The following STK24 variants were observed in gnomAD, a reference collection of about 807,000 sequenced individuals.
STK24 encodes the protein serine/threonine kinase 24.
A neutral mutation model predicts 55.6 loss-of-function variants in STK24; 21 were observed. The ratio of observed to expected loss-of-function variants is 0.38; its 90% CI spans 0.27 to 0.54. The LOEUF (loss-of-function observed/expected upper bound fraction) is 0.54, where lower values mean the gene tolerates loss of function less well. Ranked by LOEUF, STK24 falls within the 20% of genes least tolerant of loss-of-function variation. STK24 has a pLI of 0.79. For missense variants in STK24, 383 were observed against 538.4 expected (o/e 0.71, Z 2.86); for synonymous variants, 200 against 215.2 (o/e 0.93, Z 0.62).
chr13:98,525,442 G>A (rs527479824), intron 1 of STK24, among the ~76,000 whole-genome samples: 20 of 152,280 alleles, frequency 1.3e-4, no homozygotes, highest in South Asian at 8.3e-4. Flanking sequence ...GACAACCCCC[G>A]CTCCCCAACA....
At position 98,453,177 on chromosome 13, in the gene STK24, T is replaced by C; in HGVS notation, c.1292A>G (p.His431Arg). Residue 431 changes from histidine to arginine, a missense_variant, in exon 11 of 11, where the codon CAC becomes CGC. Physicochemically the swap from His to Arg is conservative, Grantham distance 29 (BLOSUM62 0). Coordinates refer to ENST00000539966, the MANE Select transcript of STK24 (RefSeq NM_001032296.4). ...ACCCCAAATGCCAAAGGAATTTCAG[T>C]GGGATGAAGTTCCTCCACCACTTAG... ...YSLSGGGTSS[H>R] The C allele has an allele frequency of 6.2e-7, 1 of 1,613,594 alleles. No individual in the cohort carries two copies. The highest frequency in any genetic ancestry group is 1.1e-5 in the South Asian group (1 of 91,034).
intron 10 of STK24, 50 bp from the exon 11 acceptor site, chr13:98,453,259 T>C: frequency 6.3e-7 from 1 of 1,577,784 alleles, no homozygotes; most frequent in Non-Finnish European, 8.6e-7. Flanking sequence ...TTCTCATCCC[T>C]GTGCAAAAAT....
At chr13:98,506,774 G>C (rs566829376) in intron 2 of STK24, among the ~76,000 whole-genome samples, 1 of 152,236 alleles carries the variant, frequency 6.6e-6, no homozygotes, top group Non-Finnish European at 1.5e-5. Flanking sequence ...CACGTGTTAG[G>C]CAAGAATTTC....
chr13:98,524,149 A>G (rs1724678044), intron 1 of STK24, among the ~76,000 whole-genome samples: 1 of 152,068 alleles, frequency 6.6e-6, no homozygotes, highest in Non-Finnish European at 1.5e-5. Context: ...TGCATGTGTG[A>G]GGGGCATGAA....
At chr13:98,498,149 T>C (rs1288415762) in intron 2 of STK24, among the ~76,000 whole-genome samples, 2 of 152,228 alleles carry the variant, frequency 1.3e-5, no homozygotes, top group Non-Finnish European at 2.9e-5. Flanking sequence ...TTTGAACTGT[T>C]GATAGAGATA....
intron 2 of STK24, among the ~76,000 whole-genome samples, chr13:98,487,180 G>A (rs574693318): frequency 1.1e-4 from 17 of 152,278 alleles, no homozygotes; most frequent in African/African-American, 3.9e-4. Flanking sequence ...CCTGTTCTCC[G>A]GGAAGGACCC....
At chr13:98,545,198 CAT>C (rs1205726125) in intron 1 of STK24, among the ~76,000 whole-genome samples, 3 of 152,198 alleles carry the variant, frequency 2.0e-5, no homozygotes, top group Admixed American at 1.3e-4. Flanking sequence ...TCAAAGAAAA[CAT>C]GTGGAATGAG....
chr13:98,501,399 G>GA (rs1895457655), intron 2 of STK24, among the ~76,000 whole-genome samples: 1 of 152,246 alleles, frequency 6.6e-6, no homozygotes. Context: ...GGCAGCGAGA[G>GA]AGACTCCAGA....
At chr13:98,526,161 A>T (rs1896422563) in intron 1 of STK24, among the ~76,000 whole-genome samples, 1 of 152,092 alleles carries the variant, frequency 6.6e-6, no homozygotes, top group African/African-American at 2.4e-5. Flanking sequence ...CTGGTTTTTA[A>T]ACAATTTTTG....
intron 8 of STK24, among the ~76,000 whole-genome samples, chr13:98,460,732 T>C (rs533300667): frequency 6.6e-6 from 1 of 152,250 alleles, no homozygotes; most frequent in Non-Finnish European, 1.5e-5. Flanking sequence ...TGCCTCGTCT[T>C]GCTATCTACG....
chr13:98,448,264 A>G lies in STK24; in HGVS notation c.*4909T>C, dbSNP rs1892985995. On this transcript the variant is annotated 3_prime_UTR_variant, in exon 11 of 11. Coordinates refer to ENST00000539966, the MANE Select transcript of STK24 (RefSeq NM_001032296.4). ...GATGGAAGTGATCCGCAGTGCCACC[A>G]GCTCTGCCTCGCGACCCCACGTGTT... 6.2e-7 allele frequency: 1 copy of G among 1,614,108 alleles called. No homozygotes were observed. Among genetic ancestry groups the G allele is most frequent in the South Asian group, 1.1e-5 (1 of 91,074 alleles).
chr13:98,564,822 T>C (rs770468154), intron 1 of STK24, among the ~76,000 whole-genome samples: 23 of 152,102 alleles, frequency 1.5e-4, no homozygotes, highest in Admixed American at 3.3e-4. Context: ...GGAGGACTGC[T>C]TGAGGCCAAG....
chr13:98,532,033 A>C (rs763992137), intron 1 of STK24, among the ~76,000 whole-genome samples: 8 of 152,142 alleles, frequency 5.3e-5, no homozygotes, highest in African/African-American at 1.9e-4. Context: ...TGGACCGATT[A>C]AACCAGAATC....
chr13:98,495,044 T>C (rs950837907), intron 2 of STK24, among the ~76,000 whole-genome samples: 2 of 152,196 alleles, frequency 1.3e-5, no homozygotes, highest in African/African-American at 2.4e-5. Flanking sequence ...CAGCTCCGTC[T>C]AGCACCCAGC....
chr13:98,544,691 A>G (rs541714177), intron 1 of STK24, among the ~76,000 whole-genome samples: 1 of 152,236 alleles, frequency 6.6e-6, no homozygotes, highest in Non-Finnish European at 1.5e-5. Context: ...AAGGAAAGAC[A>G]GTGGTGAAAA....
intron 1 of STK24, among the ~76,000 whole-genome samples, chr13:98,520,465 A>G (rs1896219540): frequency 6.6e-6 from 1 of 152,206 alleles, no homozygotes; most frequent in South Asian, 2.1e-4. Flanking sequence ...CAACCCTCCA[A>G]ATCTATGAGT....
intron 7 of STK24, among the ~76,000 whole-genome samples, chr13:98,463,302 G>A (rs1192942557): frequency 6.6e-6 from 1 of 152,144 alleles, no homozygotes; most frequent in African/African-American, 2.4e-5. Flanking sequence ...GCTTCTACCA[G>A]ACACAATACA....
intron 1 of STK24, among the ~76,000 whole-genome samples, chr13:98,536,786 C>T (rs533313732): frequency 6.6e-6 from 1 of 152,228 alleles, no homozygotes; most frequent in East Asian, 1.9e-4. Flanking sequence ...CCAAGCATCA[C>T]TCAACAGAAC....
At chr13:98,487,618 G>A (rs1329203769) in intron 2 of STK24, among the ~76,000 whole-genome samples, 2 of 152,136 alleles carry the variant, frequency 1.3e-5, no homozygotes, top group Non-Finnish European at 2.9e-5. Context: ...TACCCAAACG[G>A]TGGCATTCTA....
Sources: allele counts gnomAD v4.1 joint callset (sites outside exome capture counted in the v4.1 genomes callset), GRCh38; gene constraint gnomAD v4.1.1; transcripts MANE v1.5; gene names NCBI Gene and HGNC (gene_info 2026-07-23, HGNC 2026-07-21).